Variants in RPH3A observed in about 807,000 individuals in gnomAD.
RPH3A encodes rabphilin-3A.
In RPH3A, 48 loss-of-function variants were observed where a neutral mutation model predicts 102.2. That is an observed-to-expected ratio of 0.47 (90% CI 0.37 to 0.60). RPH3A has a LOEUF of 0.60. RPH3A is among the 20% of genes least tolerant of loss of function. RPH3A has a pLI of 0.00. For synonymous variants in RPH3A, 310 were observed against 324.3 expected (o/e 0.96, Z 0.47); for missense variants, 781 against 910.1 (o/e 0.86, Z 1.83).
chr12:112,583,292 A>G (rs1336411889), intron 1 of RPH3A, among the ~76,000 whole-genome samples: 3 of 152,202 alleles, frequency 2.0e-5, no homozygotes. Context: ...CCATCCTTAC[A>G]ACAGCCCCTC....
At chr12:112,591,163 G>A (rs1270119714) in intron 1 of RPH3A, among the ~76,000 whole-genome samples, 2 of 150,420 alleles carry the variant, frequency 1.3e-5, no homozygotes, top group Non-Finnish European at 3.0e-5. Flanking sequence ...TGTTGCCCAG[G>A]CTGGCGTCAA....
At chr12:112,712,911 T>TCTC (rs2040475895) in intron 1 of RPH3A, among the ~76,000 whole-genome samples, 1 of 111,916 alleles carries the variant, frequency 8.9e-6, no homozygotes, top group Admixed American at 1.0e-4. Context: ...TTCCTCTTCT[T>TCTC]CTTCTTCTTC....
chr12:112,615,747 G>C (rs111890265), intron 1 of RPH3A, among the ~76,000 whole-genome samples: 239 of 152,200 alleles, frequency 1.6e-3, no homozygotes, highest in African/African-American at 5.6e-3. Context: ...CCAACTGAAG[G>C]CTCTGGAAAT....
rs774769263 is a variant in RPH3A at position 112,879,162 on chromosome 12, C to G, written c.1215C>G (p.Asp405Glu). Residue 405 changes from aspartate (D) to glutamate (E), a missense_variant, in exon 14 of 22, where the codon GAC (aspartate) becomes GAG (glutamate). Asp to Glu is a conservative substitution (Grantham distance 45, BLOSUM62 2). Around this residue, in one of 2 missense-constraint regions of RPH3A, gnomAD observed 730 missense variants for 810.0 expected, o/e 0.90. Transcript: ENST00000389385. ...ALEFSLLYDQ[D>E]NSSLQCTIIK... ...AATTCAGCCTTCTCTACGACCAGGA[C>G]AACAGCTCCCTGCAGTGCACCATCA... 2 of 1,613,980 alleles carry G rather than the reference C, an allele frequency of 1.2e-6. No individual in the cohort carries two copies. The highest frequency in any genetic ancestry group is 2.7e-5 in the African/African-American group (2 of 74,932).
At chr12:112,894,538 T>C (rs765139990) in intron 19 of RPH3A, 40 bp from the exon 20 acceptor site, 55 of 1,594,650 alleles carry the variant, frequency 3.4e-5, no homozygotes, top group African/African-American at 5.4e-5. Flanking sequence ...TTCTTATTCA[T>C]TAAACGTCAT....
intron 1 of RPH3A, chr12:112,717,887 C>T (rs958327151): frequency 2.6e-5 from 4 of 152,104 alleles, no homozygotes; most frequent in South Asian, 2.1e-4. Flanking sequence ...TTCATGTCCT[C>T]GCTAAGTCTT....
At chr12:112,660,724 T>C (rs1214950469) in intron 1 of RPH3A, among the ~76,000 whole-genome samples, 2 of 152,118 alleles carry the variant, frequency 1.3e-5, no homozygotes, top group Non-Finnish European at 2.9e-5. Flanking sequence ...ATTTTTTAAA[T>C]CCTATTTTAT....
chr12:112,727,959 G>GA (rs2040606705), intron 1 of RPH3A, among the ~76,000 whole-genome samples: 2 of 152,094 alleles, frequency 1.3e-5, no homozygotes, highest in African/African-American at 4.8e-5. Flanking sequence ...CAGCCCAATA[G>GA]TCCAGTATAT....
intron 5 of RPH3A, among the ~76,000 whole-genome samples, chr12:112,861,301 T>A (rs1278139673): frequency 6.6e-6 from 1 of 152,110 alleles, no homozygotes; most frequent in East Asian, 1.9e-4. Flanking sequence ...ATGTTGAGGG[T>A]TCTTTGGGGA....
chr12:112,606,131 C>G (rs1303970849), intron 1 of RPH3A, among the ~76,000 whole-genome samples: 1 of 152,096 alleles, frequency 6.6e-6, no homozygotes, highest in Non-Finnish European at 1.5e-5. Flanking sequence ...AGCTGTGACT[C>G]TATGTACTGT....
At chr12:112,660,016 G>A (rs947205807) in intron 1 of RPH3A, among the ~76,000 whole-genome samples, 5 of 152,094 alleles carry the variant, frequency 3.3e-5, no homozygotes, top group Non-Finnish European at 7.4e-5. Context: ...CATCAATATT[G>A]GGGTATTGCT....
chr12:112,669,974 G>C (rs910745924), intron 1 of RPH3A, among the ~76,000 whole-genome samples: 1 of 151,834 alleles, frequency 6.6e-6, no homozygotes, highest in Admixed American at 6.6e-5. Flanking sequence ...CCAATGTTTT[G>C]TTACTATAAA....
intron 1 of RPH3A, among the ~76,000 whole-genome samples, chr12:112,617,237 C>T (rs115655668): frequency 1.6e-3 from 237 of 152,262 alleles, no homozygotes; most frequent in Middle Eastern, 0.01. Flanking sequence ...TCAGAGATGG[C>T]GAGTGAGCAT....
At chr12:112,621,132 C>T (rs2039719933) in intron 1 of RPH3A, among the ~76,000 whole-genome samples, 1 of 151,988 alleles carries the variant, frequency 6.6e-6, no homozygotes, top group Non-Finnish European at 1.5e-5. Flanking sequence ...CATGAGCCAC[C>T]GTGCCTGGCC....
intron 3 of RPH3A, among the ~76,000 whole-genome samples, chr12:112,833,533 T>C (rs1189686068): frequency 1.3e-5 from 1 of 74,740 alleles, no homozygotes; most frequent in Non-Finnish European, 3.2e-5. Flanking sequence ...AGGAGTGAGA[T>C]GTTCTGGTCA....
intron 1 of RPH3A, among the ~76,000 whole-genome samples, chr12:112,705,010 C>T (rs2136031296): frequency 6.6e-6 from 1 of 152,302 alleles, no homozygotes; most frequent in South Asian, 2.1e-4. Flanking sequence ...TAGTTTGCTT[C>T]TGTCTCAAAT....
At chr12:112,718,706 G>T (rs1195921138) in intron 1 of RPH3A, among the ~76,000 whole-genome samples, 1 of 152,242 alleles carries the variant, frequency 6.6e-6, no homozygotes, top group South Asian at 2.1e-4. Flanking sequence ...CAATGCAGGG[G>T]TGGCAAAGAA....
At chr12:112,769,531 G>A (rs758446237) in intron 1 of RPH3A, among the ~76,000 whole-genome samples, 4 of 152,206 alleles carry the variant, frequency 2.6e-5, no homozygotes, top group South Asian at 2.1e-4. Context: ...ACCATGTTAC[G>A]TTTAGCGCAT....
chr12:112,791,869 A>AGAGAGAGAGAGAGAGAGAGAG lies in RPH3A; in HGVS notation c.-282_-262dup, dbSNP rs2041115364. The stretch of plus-strand genomic sequence containing the variant: ...CGGACTGGAAAGGAAGGGAGAAGGG[A>AGAGAGAGAGAGAGAGAGAGAG]GAGAGAGAGAGAGAGAGAGAGAGAG... On this transcript the variant is annotated 5_prime_UTR_variant, in exon 1 of 22. Transcript: ENST00000389385. 2 of 136,836 alleles carry AGAGAGAGAGAGAGAGAGAGAG rather than the reference A, an allele frequency of 1.5e-5. 1 individual carries two copies. Among genetic ancestry groups the AGAGAGAGAGAGAGAGAGAGAG allele is most frequent in the African/African-American group, 5.6e-5 (2 of 35,820 alleles). The allele number at this position is 136,836 out of a possible 1,614,324, so 8.5% of individuals were successfully genotyped here.
Sources: allele counts gnomAD v4.1 joint callset (sites outside exome capture counted in the v4.1 genomes callset), GRCh38; gene constraint gnomAD v4.1.1; regional missense constraint gnomAD v4.1.1; transcripts MANE v1.5; gene names NCBI Gene and HGNC (gene_info 2026-07-23, HGNC 2026-07-21).